The following TENM2 variants were observed in gnomAD, a reference collection of about 807,000 sequenced individuals.
The protein encoded by TENM2 is teneurin transmembrane protein 2.
A neutral mutation model predicts 245.2 loss-of-function variants in TENM2; 52 were observed. That is an observed-to-expected ratio of 0.21 (90% CI 0.17 to 0.27). The LOEUF is 0.27. Among genes scored for constraint, TENM2 ranks in the 10% least tolerant of loss-of-function variants. TENM2 has a pLI of 1.00. For synonymous variants in TENM2, 1,363 were observed against 1,438.9 expected, an observed-to-expected ratio of 0.95 and a Z score of 1.19; for missense variants, 3,046 against 3,666.8, an observed-to-expected ratio of 0.83 and a Z score of 4.37.
intron 2 of TENM2, among the ~76,000 whole-genome samples, chr5:167,484,190 C>A (rs941392275): frequency 1.3e-5 from 2 of 152,098 alleles, no homozygotes; most frequent in Non-Finnish European, 2.9e-5. Flanking sequence ...ACTAAAAATA[C>A]AAAAATTAGC....
At chr5:167,846,950 A>AACTG (rs1554130433) in intron 2 of TENM2, among the ~76,000 whole-genome samples, 1 of 150,904 alleles carries the variant, frequency 6.6e-6, no homozygotes, top group Non-Finnish European at 1.5e-5. Flanking sequence ...AAGTCATTTC[A>AACTG]ATTGATTGAT....
intron 21 of TENM2, among the ~76,000 whole-genome samples, chr5:168,216,017 A>T (rs1763160203): frequency 6.6e-6 from 1 of 152,238 alleles, no homozygotes; most frequent in Non-Finnish European, 1.5e-5. Flanking sequence ...CTGGGAACCC[A>T]TGGGTCTCTA....
intron 9 of TENM2, among the ~76,000 whole-genome samples, chr5:168,100,785 ATGATGGGT>A (rs1346740232): frequency 1.3e-5 from 2 of 152,144 alleles, no homozygotes. Flanking sequence ...CCTAATGTAG[ATGATGGGT>A]TGATGGGTGC....
chr5:168,215,079 C>A (rs755258151), exon 21 of TENM2: 1 of 1,613,828 alleles, frequency 6.2e-7, no homozygotes, highest in South Asian at 1.1e-5. Context: ...CAGTGGACCC[C>A]GTGTCCGGCT....
intron 2 of TENM2, among the ~76,000 whole-genome samples, chr5:167,813,477 G>A (rs1766800393): frequency 6.6e-6 from 1 of 152,038 alleles, no homozygotes; most frequent in African/African-American, 2.4e-5. Flanking sequence ...GTGTTGCAGT[G>A]TTGGAGGAGC....
intron 2 of TENM2, among the ~76,000 whole-genome samples, chr5:167,682,099 TCCC>T (rs1756757292): frequency 1.3e-5 from 1 of 74,888 alleles, no homozygotes; most frequent in South Asian, 5.3e-4. Context: ...CCTCCATCCC[TCCC>T]TCCCTCCCTC....
chr5:168,250,784 C>T (rs188590372), intron 27 of TENM2, among the ~76,000 whole-genome samples: 54 of 152,268 alleles, frequency 3.5e-4, no homozygotes, highest in Admixed American at 1.9e-3. Flanking sequence ...AGGGCTTCCC[C>T]GCTTACCCCA....
In TENM2 at chr5:168,218,406, A is replaced by T; in HGVS notation, c.4515A>T (p.Thr1505=). The T allele has an allele frequency of 6.2e-7, 1 of 1,614,052 alleles. No homozygotes were observed. Among genetic ancestry groups the T allele is most frequent in the Non-Finnish European group, 8.5e-7 (1 of 1,179,898 alleles). The stretch of plus-strand genomic sequence containing the variant: ...AGATTAACCGTCTACGCCAGGTAAC[A>T]ACCAACGGGGAGATCTGCCTTTTAG... Residue 1505 remains threonine (T), a synonymous_variant, in exon 23 of 29, where the codon ACA becomes ACT. Transcript: ENST00000518659. This position sits in a 1 kb window ranked among gnomAD's most constrained non-coding sequence, Gnocchi z 5.2.
chr5:167,913,323 G>A (rs944206219), intron 3 of TENM2, among the ~76,000 whole-genome samples: 1 of 152,166 alleles, frequency 6.6e-6, no homozygotes, highest in Non-Finnish European at 1.5e-5. Context: ...TGATAAAGCG[G>A]TAAAGAAGCA....
chr5:167,123,371 C>T, the TENM2 span, among the ~76,000 whole-genome samples: 7 of 152,068 alleles, frequency 4.6e-5, no homozygotes, highest in Admixed American at 3.9e-4. Context: ...CACACACACA[C>T]GGATAACATT....
At chr5:167,420,287 T>A (rs1763425616) in intron 2 of TENM2, among the ~76,000 whole-genome samples, 1 of 152,256 alleles carries the variant, frequency 6.6e-6, no homozygotes, top group Non-Finnish European at 1.5e-5. Context: ...ATCTGATTTT[T>A]AAATGATGTC....
At chr5:168,211,882 A>T in intron 20 of TENM2, 128 bp downstream of exon 22, 1 of 576,744 alleles carries the variant, frequency 1.7e-6, no homozygotes, top group Non-Finnish European at 3.0e-6. Flanking sequence ...TAACTTTTTT[A>T]TGTGCTAATT....
intron 1 of TENM2, among the ~76,000 whole-genome samples, chr5:167,336,976 G>A (rs1044570645): frequency 2.0e-5 from 3 of 150,316 alleles, no homozygotes; most frequent in African/African-American, 7.3e-5. Flanking sequence ...AATTAGCCGG[G>A]CGCGGTGGCG....
chr5:167,789,512 T>A (rs1405162590), intron 2 of TENM2, among the ~76,000 whole-genome samples: 1 of 152,244 alleles, frequency 6.6e-6, no homozygotes, highest in African/African-American at 2.4e-5. Context: ...GTTTGGCTGC[T>A]CCTGGTCCAT....
chr5:168,153,789 T>C (rs1394688405), intron 12 of TENM2, among the ~76,000 whole-genome samples: 1 of 152,096 alleles, frequency 6.6e-6, no homozygotes, highest in East Asian at 1.9e-4. Context: ...AATGTGTATG[T>C]CTAACAAGTT....
At chr5:167,335,612 T>G (rs993904277) in intron 1 of TENM2, among the ~76,000 whole-genome samples, 10 of 152,214 alleles carry the variant, frequency 6.6e-5, no homozygotes, top group African/African-American at 2.4e-4. Flanking sequence ...CTCATCTTTT[T>G]TTTTTTAACT....
intron 2 of TENM2, among the ~76,000 whole-genome samples, chr5:167,617,734 C>A (rs115822017): frequency 1.3e-5 from 2 of 152,032 alleles, no homozygotes; most frequent in African/African-American, 2.4e-5. Context: ...ATTGTCTTCA[C>A]GGGCATTTAA....
At chr5:167,835,362 G>A (rs1376331592) in intron 2 of TENM2, among the ~76,000 whole-genome samples, 1 of 152,116 alleles carries the variant, frequency 6.6e-6, no homozygotes, top group East Asian at 1.9e-4. Context: ...TTCCTGATTG[G>A]GCAAGAAAAT....
the TENM2 span, among the ~76,000 whole-genome samples, chr5:167,115,519 T>C: frequency 6.6e-6 from 1 of 152,150 alleles, no homozygotes; most frequent in Non-Finnish European, 1.5e-5. Flanking sequence ...TCACTAAACT[T>C]GACTCATTTG....
Sources: gnomAD v4.1 joint callset for allele counts (sites outside exome capture counted in the v4.1 genomes callset) on GRCh38, gnomAD v4.1.1 for gene constraint, Gnocchi (gnomAD v3.1) non-coding constraint, MANE v1.5 for transcripts, NCBI Gene and HGNC (gene_info 2026-07-23, HGNC 2026-07-21) for gene names.